The following PTPRG variants were observed in gnomAD, a reference collection of about 807,000 sequenced individuals.
PTPRG encodes the protein protein tyrosine phosphatase receptor type G, also known as receptor-type tyrosine-protein phosphatase gamma.
PTPRG carries 102 observed loss-of-function variants against 165.3 expected under a neutral mutation model. The observed-to-expected ratio is 0.62, with a 90% CI of 0.53 to 0.73. PTPRG has a LOEUF of 0.73. Among genes scored for constraint, PTPRG ranks in the 30% least tolerant of loss-of-function variants. The pLI, the probability that PTPRG is intolerant of heterozygous loss-of-function variation, is 0.00. For missense variants in PTPRG, 1,866 were observed against 1,861.4 expected, an observed-to-expected ratio of 1.00 and a Z score of -0.05; for synonymous variants, 675 against 669.5, an observed-to-expected ratio of 1.01 and a Z score of -0.13.
chr3:61,585,306 G>C (rs1029287640), intron 1 of PTPRG, among the ~76,000 whole-genome samples: 1 of 149,960 alleles, frequency 6.7e-6, no homozygotes, highest in Non-Finnish European at 1.5e-5. Flanking sequence ...AAAGAAAAAG[G>C]AAGAAAAGAA....
chr3:62,123,110 G>A (rs1314315511), intron 5 of PTPRG, among the ~76,000 whole-genome samples: 1 of 152,230 alleles, frequency 6.6e-6, no homozygotes, highest in Admixed American at 6.5e-5. Context: ...TGTGTCCTCA[G>A]ATTCAAGGTT....
chr3:62,027,339 T>C (rs953137686), intron 4 of PTPRG, among the ~76,000 whole-genome samples: 5 of 152,072 alleles, frequency 3.3e-5, no homozygotes, highest in Admixed American at 6.5e-5. Context: ...TAAACTGACC[T>C]CCAGTCCCTA....
At chr3:61,778,792 T>C (rs1041203630) in intron 2 of PTPRG, among the ~76,000 whole-genome samples, 2 of 152,054 alleles carry the variant, frequency 1.3e-5, no homozygotes, top group Non-Finnish European at 1.5e-5. Context: ...CTCCCAGTCA[T>C]GTGATGAGTC....
intron 2 of PTPRG, among the ~76,000 whole-genome samples, chr3:61,890,423 G>GGGGTTTTTTTTTTTTTTTTT (rs2038180219): frequency 8.4e-6 from 1 of 119,240 alleles, no homozygotes; most frequent in African/African-American, 3.3e-5. Context: ...TTTTTTTTTT[G>GGGGTTTTTTTTTTTTTTTTT]TTTTTTTTTT....
At chr3:62,004,481 A>G (rs1307458625) in intron 4 of PTPRG, among the ~76,000 whole-genome samples, 4 of 152,200 alleles carry the variant, frequency 2.6e-5, no homozygotes, top group African/African-American at 9.6e-5. Flanking sequence ...CATTGCACCA[A>G]ATACCTCCTT....
intron 2 of PTPRG, among the ~76,000 whole-genome samples, chr3:61,877,438 G>T (rs2037773515): frequency 1.3e-5 from 2 of 152,170 alleles, no homozygotes; most frequent in Non-Finnish European, 2.9e-5. Context: ...GTAAACCACA[G>T]AGAAGCCACA....
At chr3:62,116,729 G>A (rs180854667) in intron 5 of PTPRG, among the ~76,000 whole-genome samples, 9 of 152,310 alleles carry the variant, frequency 5.9e-5, no homozygotes, top group Admixed American at 2.6e-4. Flanking sequence ...CTTAACATTT[G>A]TGTAGCTTAC....
intron 6 of PTPRG, among the ~76,000 whole-genome samples, chr3:62,133,641 A>T (rs1277994651): frequency 2.6e-5 from 4 of 152,170 alleles, no homozygotes; most frequent in African/African-American, 2.4e-5. Context: ...AAACCTACTC[A>T]GTGTAGAAAA....
At chr3:61,671,903 C>A (rs1326677299) in intron 1 of PTPRG, among the ~76,000 whole-genome samples, 11 of 146,496 alleles carry the variant, frequency 7.5e-5, no homozygotes, top group African/African-American at 2.3e-4. Flanking sequence ...GGGGGCTGAT[C>A]CCCCCACCTC....
intron 4 of PTPRG, among the ~76,000 whole-genome samples, chr3:62,051,223 TAA>T (rs1345454565): frequency 6.6e-6 from 1 of 152,156 alleles, no homozygotes; most frequent in African/African-American, 2.4e-5. Flanking sequence ...TAGAAAGTAA[TAA>T]GAGTCTCACT....
chr3:61,605,941 G>A (rs1700994035), intron 1 of PTPRG, among the ~76,000 whole-genome samples: 2 of 152,210 alleles, frequency 1.3e-5, no homozygotes, highest in Admixed American at 1.3e-4. Flanking sequence ...CCACTGCCAT[G>A]CTGCCTTAAA....
intron 17 of PTPRG, among the ~76,000 whole-genome samples, chr3:62,266,931 C>G (rs1701894150): frequency 6.6e-6 from 1 of 151,078 alleles, no homozygotes; most frequent in African/African-American, 2.4e-5. Flanking sequence ...TGAGATTACT[C>G]TTAACAAAAG....
At chr3:62,188,417 A>G (rs1699718944) in intron 8 of PTPRG, among the ~76,000 whole-genome samples, 2 of 152,172 alleles carry the variant, frequency 1.3e-5, no homozygotes. Flanking sequence ...TCCACATCCT[A>G]TTCTATTTCT....
intron 2 of PTPRG, among the ~76,000 whole-genome samples, chr3:61,758,843 CT>C (rs1188644859): frequency 6.6e-6 from 1 of 152,126 alleles, no homozygotes; most frequent in Non-Finnish European, 1.5e-5. Context: ...ACCCATTTCA[CT>C]GGATTGTGAA....
At chr3:61,971,512 T>A (rs2040383139) in intron 2 of PTPRG, among the ~76,000 whole-genome samples, 1 of 152,230 alleles carries the variant, frequency 6.6e-6, no homozygotes, top group Non-Finnish European at 1.5e-5. Flanking sequence ...GCTCTTACAG[T>A]GCTGGGTACC....
chr3:61,728,117 A>G (rs2106820391), intron 1 of PTPRG, among the ~76,000 whole-genome samples: 1 of 152,296 alleles, frequency 6.6e-6, no homozygotes, highest in South Asian at 2.1e-4. Flanking sequence ...GCGTGCTGGC[A>G]AAGAGGAACA....
chr3:62,058,164 A>G (rs1259229089), intron 4 of PTPRG, among the ~76,000 whole-genome samples: 3 of 152,152 alleles, frequency 2.0e-5, no homozygotes, highest in African/African-American at 4.8e-5. Flanking sequence ...TACAATTCAG[A>G]AAGCAGGACG....
rs1160722180 is a variant in PTPRG at position 62,255,323 on chromosome 3, C to T, written c.2559+108C>T. 12 of 794,508 alleles carry T rather than the reference C, an allele frequency of 1.5e-5. No homozygotes were observed. Among genetic ancestry groups the T allele is most frequent in the East Asian group, 5.6e-5 (2 of 35,736 alleles). 49.2% of individuals were successfully genotyped at this position (794,508 alleles called of 1,614,324 possible). On this transcript the variant is annotated intron_variant, in intron 16 of 29. Transcript: ENST00000474889. This position sits in a 1 kb window ranked among gnomAD's most constrained non-coding sequence, Gnocchi z 4.0. ...TCCAAGCATAACAAAACAGTAACTA[C>T]GGAAAGTGGAGTTTTTCTTTTCATC...
Position 62,204,967 on chromosome 3 carries a change from A to T in PTPRG, c.2155+1017A>T, listed in dbSNP as rs1276598726. 3.3e-5 allele frequency among the ~76,000 whole-genome samples: 5 copies of T among 151,666 alleles called. No homozygotes were observed. In the South Asian group the frequency reaches 8.4e-4, roughly 25 times the overall value. ...CCAGACTACAAGATGTTTAGCAACA[A>T]TTTTTTTTGCGTCTAAGCTGTTGTG... On this transcript the variant is annotated intron_variant, in intron 12 of 29. Transcript: ENST00000474889.
Sources: allele counts gnomAD v4.1 joint callset (sites outside exome capture counted in the v4.1 genomes callset), GRCh38; gene constraint gnomAD v4.1.1; non-coding constraint Gnocchi (gnomAD v3.1); transcripts MANE v1.5; gene names NCBI Gene and HGNC (gene_info 2026-07-23, HGNC 2026-07-21).